BCAS4: variants seen among roughly 807,000 people sequenced by gnomAD.
BCAS4 encodes the protein breast carcinoma amplified sequence 4, also known as breast carcinoma-amplified sequence 4.
Under a neutral mutation model 15.7 loss-of-function variants are expected in BCAS4, and 9 were observed. That is an observed-to-expected ratio of 0.57 (90% CI 0.34 to 1.00). BCAS4 has a LOEUF of 1.00. Among genes scored for constraint, BCAS4 ranks in the 50% least tolerant of loss-of-function variants. The pLI is 0.02. For synonymous variants in BCAS4, 101 were observed against 99.5 expected (o/e 1.02, Z -0.09); for missense variants, 225 against 239.1 (o/e 0.94, Z 0.39).
rs2088373253 is a variant in BCAS4, at chr20:50,833,783, T to C, written c.264+3403T>C. Among the ~76,000 whole-genome samples, 4 of 152,240 alleles carry C rather than the reference T, an allele frequency of 2.6e-5. No homozygotes were observed. The South Asian group carries it at 6.2e-4, about 24-fold the overall frequency. ...GCTGCCCTGAGATGGGTGCTGGGCA[T>C]ATGGCCGAGGGGAGATGTCGGCTTC... is the stretch of plus-strand genomic sequence containing the variant. On this transcript the variant is annotated intron_variant, in intron 3 of 4. Coordinates refer to ENST00000371608, the MANE Select transcript of BCAS4 (RefSeq NM_198799.4).
At chr20:50,857,027 C>T (rs527495774) in intron 4 of BCAS4, among the ~76,000 whole-genome samples, 17 of 152,216 alleles carry the variant, frequency 1.1e-4, no homozygotes, top group Non-Finnish European at 2.2e-4. Context: ...AACATTATAA[C>T]ATTGTACGTT....
At chr20:50,808,787 G>A (rs754413779) in intron 1 of BCAS4, among the ~76,000 whole-genome samples, 1 of 152,098 alleles carries the variant, frequency 6.6e-6, no homozygotes, top group Non-Finnish European at 1.5e-5. Flanking sequence ...TCTGTGGGTT[G>A]TCTGTTTACT....
intron 1 of BCAS4, among the ~76,000 whole-genome samples, chr20:50,810,507 A>G (rs1281079104): frequency 1.3e-5 from 2 of 151,926 alleles, no homozygotes; most frequent in Non-Finnish European, 2.9e-5. Flanking sequence ...AGAGACAAAA[A>G]CCTGTGTCCT....
chr20:50,867,552 C>T (rs1979420451), intron 4 of BCAS4, among the ~76,000 whole-genome samples: 1 of 152,078 alleles, frequency 6.6e-6, no homozygotes, highest in South Asian at 2.1e-4. Context: ...GAGATGGGGT[C>T]TCCCTGTGTT....
At chr20:50,795,263 CG>C (rs978293923) in intron 1 of BCAS4, 90 bp downstream of exon 1, 2 of 1,184,212 alleles carry the variant, frequency 1.7e-6, no homozygotes, top group African/African-American at 3.2e-5. Flanking sequence ...AGCATCCTCT[CG>C]CTCCCGGAGT....
chr20:50,806,810 C>T (rs912461337), intron 1 of BCAS4, among the ~76,000 whole-genome samples: 8 of 150,234 alleles, frequency 5.3e-5, no homozygotes, highest in African/African-American at 2.0e-4. Context: ...GGAGAATGGG[C>T]TGTCCATCCC....
In BCAS4 at chr20:50,795,110, G is replaced by A. The variant is rs936862957; in HGVS notation, c.27G>A (p.Pro9=). 76 of 1,494,920 alleles carry A rather than the reference G, an allele frequency of 5.1e-5. No individual in the cohort carries two copies. The Middle Eastern group carries it at 1.1e-3, about 22-fold the overall frequency. The allele number at this position is 1,494,920 out of a possible 1,614,324, so 92.6% of individuals were successfully genotyped here. A position where few individuals can be genotyped will look rare whatever the true frequency, so the allele number is the denominator to read the frequency against. MLLVDADQ[P]EPMRSGAREL... ...TGCTGCTCGTGGACGCTGATCAGCC[G>A]GAGCCCATGCGCAGCGGGGCGCGCG... Residue 9 remains proline (P), a synonymous_variant, in exon 1 of 5, where the codon CCG becomes CCA. Transcript: ENST00000371608.
intron 4 of BCAS4, among the ~76,000 whole-genome samples, chr20:50,850,966 G>A (rs1285782118): frequency 6.6e-6 from 1 of 152,172 alleles, no homozygotes; most frequent in East Asian, 1.9e-4. Flanking sequence ...TGCCCGGGCT[G>A]CCTGTAGGAG....
intron 4 of BCAS4, among the ~76,000 whole-genome samples, chr20:50,869,780 G>C (rs1241820269): frequency 8.3e-6 from 1 of 119,768 alleles, no homozygotes; most frequent in Admixed American, 1.2e-4. Context: ...ATGGAGCCTC[G>C]CTCTGTTGCC....
intron 1 of BCAS4, among the ~76,000 whole-genome samples, chr20:50,808,848 C>T (rs534437866): frequency 1.3e-5 from 2 of 152,266 alleles, no homozygotes; most frequent in African/African-American, 4.8e-5. Flanking sequence ...TAAGTCCCAC[C>T]TATTTATCTT....
At chr20:50,807,903 T>C (rs2088011580) in intron 1 of BCAS4, among the ~76,000 whole-genome samples, 2 of 99,146 alleles carry the variant, frequency 2.0e-5, no homozygotes, top group South Asian at 6.3e-4. Context: ...CCACATATTC[T>C]TTTTTTTTTT....
chr20:50,818,792 C>T (rs908364949), intron 2 of BCAS4, among the ~76,000 whole-genome samples: 1 of 152,202 alleles, frequency 6.6e-6, no homozygotes, highest in Non-Finnish European at 1.5e-5. Flanking sequence ...TTACCTCCTA[C>T]TCTGTCTGGT....
intron 4 of BCAS4, among the ~76,000 whole-genome samples, chr20:50,845,165 TAA>T (rs996681357): frequency 5.2e-4 from 79 of 152,188 alleles, no homozygotes; most frequent in South Asian, 2.5e-3. Flanking sequence ...ACTGAGGGGT[TAA>T]GTTGCTTGCC....
intron 4 of BCAS4, among the ~76,000 whole-genome samples, chr20:50,864,690 G>A (rs568949742): frequency 5.7e-4 from 86 of 151,896 alleles, no homozygotes; most frequent in African/African-American, 2.1e-3. Context: ...TGATCTGCCC[G>A]CCTCGGCCTC....
chr20:50,821,088 C>A (rs886631097), intron 2 of BCAS4, among the ~76,000 whole-genome samples: 6 of 152,206 alleles, frequency 3.9e-5, no homozygotes, highest in Non-Finnish European at 1.5e-5. Context: ...AGCGTGCTTT[C>A]CAGCTTGATA....
At chr20:50,822,169 G>A (rs946707544) in intron 2 of BCAS4, among the ~76,000 whole-genome samples, 11 of 152,272 alleles carry the variant, frequency 7.2e-5, no homozygotes, top group Admixed American at 3.3e-4. Flanking sequence ...AACTTGCCCC[G>A]TGCACGCTCT....
chr20:50,799,397 C>G (rs1327753804), intron 1 of BCAS4, among the ~76,000 whole-genome samples: 1 of 152,158 alleles, frequency 6.6e-6, no homozygotes, highest in Non-Finnish European at 1.5e-5. Flanking sequence ...ACAGAAACTG[C>G]GCCAGAGCAG....
intron 4 of BCAS4, among the ~76,000 whole-genome samples, chr20:50,849,476 G>A (rs2088584160): frequency 6.6e-6 from 1 of 152,232 alleles, no homozygotes; most frequent in African/African-American, 2.4e-5. Context: ...GGGAGCCAGG[G>A]TGGCTTTGGA....
intron 4 of BCAS4, among the ~76,000 whole-genome samples, chr20:50,871,276 C>T (rs1979630060): frequency 6.6e-6 from 1 of 152,338 alleles, no homozygotes; most frequent in East Asian, 1.9e-4. Flanking sequence ...TCCTCCCTTG[C>T]AGGCTGCCAT....
Sources: allele counts gnomAD v4.1 joint callset (sites outside exome capture counted in the v4.1 genomes callset), GRCh38; gene constraint gnomAD v4.1.1; transcripts MANE v1.5; gene names NCBI Gene and HGNC (gene_info 2026-07-23, HGNC 2026-07-21).